The following RBPJ variants were observed in gnomAD, a reference collection of about 807,000 sequenced individuals.
RBPJ encodes the protein recombination signal binding protein for immunoglobulin kappa J region, also known as recombining binding protein suppressor of hairless.
In RBPJ, 9 loss-of-function variants were observed where a neutral mutation model predicts 67.8. The observed-to-expected ratio is 0.13, with a 90% CI of 0.08 to 0.23. The LOEUF (loss-of-function observed/expected upper bound fraction) is 0.23, where lower values mean the gene tolerates loss of function less well. RBPJ is among the 10% of genes least tolerant of loss of function. RBPJ has a pLI of 1.00. For synonymous variants in RBPJ, 198 were observed against 203.3 expected, an observed-to-expected ratio of 0.97 and a Z score of 0.22; for missense variants, 305 against 595.6, an observed-to-expected ratio of 0.51 and a Z score of 5.08.
chr4:26,299,213 T>A (rs566921505), intron 1 of RBPJ, among the ~76,000 whole-genome samples: 1 of 152,368 alleles, frequency 6.6e-6, no homozygotes, highest in South Asian at 2.1e-4. Context: ...AATATGATGA[T>A]ATCCTATGCG....
chr4:26,330,685 G>T (rs184252489), intron 1 of RBPJ, among the ~76,000 whole-genome samples: 53 of 152,306 alleles, frequency 3.5e-4, no homozygotes, highest in South Asian at 1.5e-3. Context: ...AGTGAGGCAT[G>T]ATGGTTTGAT....
At chr4:26,191,789 CA>C (rs1717560935) in intron 1 of RBPJ, among the ~76,000 whole-genome samples, 1 of 152,120 alleles carries the variant, frequency 6.6e-6, no homozygotes, top group African/African-American at 2.4e-5. Context: ...TAGCAAAATT[CA>C]AGGCAGATAC....
chr4:26,422,009 C>T (rs914756214), intron 5 of RBPJ, among the ~76,000 whole-genome samples: 1 of 152,062 alleles, frequency 6.6e-6, no homozygotes, highest in African/African-American at 2.4e-5. Flanking sequence ...CCTTTGTTTT[C>T]CTTCTATGTC....
intron 1 of RBPJ, among the ~76,000 whole-genome samples, chr4:26,187,720 C>T (rs1040623223): frequency 6.6e-6 from 1 of 152,050 alleles, no homozygotes; most frequent in Non-Finnish European, 1.5e-5. Flanking sequence ...AATTTTCCTT[C>T]CTATAAATTA....
chr4:26,122,093 A>T, the RBPJ span, among the ~76,000 whole-genome samples: 1 of 152,110 alleles, frequency 6.6e-6, no homozygotes, highest in Admixed American at 6.6e-5. Flanking sequence ...AATTTTATAT[A>T]TGGACACATT....
intron 7 of RBPJ, among the ~76,000 whole-genome samples, chr4:26,428,161 CG>C (rs1735871837): frequency 6.6e-6 from 1 of 152,240 alleles, no homozygotes; most frequent in Admixed American, 6.5e-5. Flanking sequence ...TTTTTAAATA[CG>C]TAAGTTTTGG....
chr4:26,428,622 T>C (rs1735919203), intron 7 of RBPJ, 98 bp from the exon 8 acceptor site: 1 of 823,522 alleles, frequency 1.2e-6, no homozygotes, highest in Non-Finnish European at 2.0e-6. Flanking sequence ...TGATGTATTA[T>C]TATGCAGTAT....
chr4:26,333,290 A>T (rs76104673), intron 1 of RBPJ, among the ~76,000 whole-genome samples: 2,015 of 152,318 alleles, frequency 0.013, 54 homozygotes, highest in African/African-American at 0.045. Context: ...ATTCTATTTT[A>T]AAAATTTCAG....
chr4:26,165,167 T>C (rs1716220735), intron 1 of RBPJ, among the ~76,000 whole-genome samples: 1 of 152,228 alleles, frequency 6.6e-6, no homozygotes. Flanking sequence ...GATTACTTTA[T>C]GTCATTATTA....
At chr4:26,255,766 C>T (rs186527397) in intron 1 of RBPJ, among the ~76,000 whole-genome samples, 2,836 of 147,402 alleles carry the variant, frequency 0.019, 67 homozygotes, top group Middle Eastern at 0.086. Context: ...CGTGCCACTG[C>T]ACTCCAGCCT....
chr4:26,126,428 A>C, the RBPJ span, among the ~76,000 whole-genome samples: 1 of 152,166 alleles, frequency 6.6e-6, no homozygotes, highest in Non-Finnish European at 1.5e-5. Context: ...AAAGAGACAG[A>C]TACTCCTCTC....
chr4:26,109,652 C>G, the RBPJ span, among the ~76,000 whole-genome samples: 27 of 76,510 alleles, frequency 3.5e-4, 8 homozygotes, highest in African/African-American at 1.5e-3. Context: ...GTCTCTCTCT[C>G]TCTCTCTCTC....
At chr4:26,167,756 G>A (rs1716377617) in intron 1 of RBPJ, among the ~76,000 whole-genome samples, 1 of 145,606 alleles carries the variant, frequency 6.9e-6, no homozygotes, top group African/African-American at 2.6e-5. Context: ...ACACTATGTT[G>A]AATAGGAGTG....
intron 2 of RBPJ, among the ~76,000 whole-genome samples, chr4:26,398,097 T>C (rs1732343308): frequency 6.6e-6 from 1 of 152,024 alleles, no homozygotes; most frequent in Non-Finnish European, 1.5e-5. Flanking sequence ...TGTGTGTGAT[T>C]ACTTTGAAAA....
the RBPJ span, among the ~76,000 whole-genome samples, chr4:26,122,498 C>T: frequency 1.3e-5 from 2 of 152,186 alleles, no homozygotes; most frequent in African/African-American, 2.4e-5. Flanking sequence ...CTCACCCATT[C>T]GAGGCAGAGA....
chr4:26,206,941 C>A (rs1718190026), intron 1 of RBPJ, among the ~76,000 whole-genome samples: 1 of 151,976 alleles, frequency 6.6e-6, no homozygotes, highest in Non-Finnish European at 1.5e-5. Context: ...TCTGAAAAAT[C>A]ATGAACTCCA....
At chr4:26,197,173 G>T (rs1329693871) in intron 1 of RBPJ, among the ~76,000 whole-genome samples, 1 of 152,112 alleles carries the variant, frequency 6.6e-6, no homozygotes, top group Non-Finnish European at 1.5e-5. Flanking sequence ...TTCAACCAAG[G>T]TCAGCAGTGG....
At chr4:26,387,029 T>A (rs1326505870) in intron 2 of RBPJ, among the ~76,000 whole-genome samples, 1 of 152,172 alleles carries the variant, frequency 6.6e-6, no homozygotes, top group South Asian at 2.1e-4. Context: ...TGTATGTGTC[T>A]GTCCTTTTTC....
intron 1 of RBPJ, among the ~76,000 whole-genome samples, chr4:26,333,394 CTCTA>C (rs780825504): frequency 2.0e-5 from 3 of 152,146 alleles, no homozygotes; most frequent in Admixed American, 6.6e-5. Context: ...GAAGTGGTAT[CTCTA>C]TCTATTAGAT....
Sources: allele counts gnomAD v4.1 joint callset (sites outside exome capture counted in the v4.1 genomes callset), GRCh38; gene constraint gnomAD v4.1.1; transcripts MANE v1.5; gene names NCBI Gene and HGNC (gene_info 2026-07-23, HGNC 2026-07-21).